The following CAST variants were observed in gnomAD, a reference collection of about 807,000 sequenced individuals.
The protein encoded by CAST is calpastatin, also known as MIR583 host.
Under a neutral mutation model 119.6 loss-of-function variants are expected in CAST, and 76 were observed. That is an observed-to-expected ratio of 0.64 (90% confidence interval 0.53 to 0.77). The LOEUF is 0.77. Ranked by LOEUF, CAST falls within the 30% of genes least tolerant of loss-of-function variation. CAST has a pLI of 0.00. For missense variants in CAST, 953 were observed against 946.5 expected (o/e 1.01, Z -0.09); for synonymous variants, 319 against 331.6 (o/e 0.96, Z 0.41).
the CAST span, among the ~76,000 whole-genome samples, chr5:96,238,837 ATAAT>A: frequency 6.6e-6 from 1 of 152,214 alleles, no homozygotes; most frequent in Non-Finnish European, 1.5e-5. Flanking sequence ...TGAGAGCTAA[ATAAT>A]TAATAAAGTA....
chr5:96,599,966 C>CAAAAAAA lies in CAST; in HGVS notation c.60+70097_60+70103dup, dbSNP rs74978713. Among the ~76,000 whole-genome samples the CAAAAAAA allele has an allele frequency of 6.8e-4, 32 of 47,206 alleles. 2 individuals carry two copies. Among genetic ancestry groups the CAAAAAAA allele is most frequent in the African/African-American group, 2.0e-3 (32 of 16,354 alleles). 31.0% of individuals were successfully genotyped at this position (47,206 alleles called of 152,430 possible). On this transcript the variant is annotated intron_variant, in intron 1 of 11. Transcript: ENST00000505143. ...TATCCTGTATTATTGCTTCATTAGG[C>CAAAAAAA]AAAAAAAAAAAAAAAAACCCTCAAG... is the stretch of plus-strand genomic sequence containing the variant.
chr5:96,227,850 G>A, the CAST span, among the ~76,000 whole-genome samples: 1 of 152,104 alleles, frequency 6.6e-6, no homozygotes, highest in Non-Finnish European at 1.5e-5. Flanking sequence ...TTGTGTATCA[G>A]ACAAGGGGTG....
intron 1 of CAST, among the ~76,000 whole-genome samples, chr5:96,641,858 T>C (rs1747955194): frequency 6.6e-6 from 1 of 152,208 alleles, no homozygotes; most frequent in South Asian, 2.1e-4. Flanking sequence ...TTGTATAATA[T>C]TGTAACAGGC....
chr5:96,750,644 T>TGTA lies in CAST; in HGVS notation c.1490_1492dup (p.Ser497dup). 1.2e-6 allele frequency: 2 copies of TGTA among 1,613,562 alleles called. No homozygotes were observed. Among genetic ancestry groups the TGTA allele is most frequent in the Non-Finnish European group, 1.7e-6 (2 of 1,179,590 alleles). On this transcript the variant is annotated inframe_insertion, in exon 20 of 32. Transcript: ENST00000675179. ...GGAGGCTGTGTGTCGGACCTCCATG[T>TGTA]GTAGTATACAGTCAGCACCCCCTGA...
chr5:96,011,826 C>T, the CAST span, among the ~76,000 whole-genome samples: 3 of 152,180 alleles, frequency 2.0e-5, no homozygotes, highest in Non-Finnish European at 4.4e-5. Context: ...AATAATAATG[C>T]TTGTTATGGG....
At chr5:96,220,811 G>A in the CAST span, among the ~76,000 whole-genome samples, 2 of 152,060 alleles carry the variant, frequency 1.3e-5, no homozygotes, top group African/African-American at 4.8e-5. Context: ...AGTCTTTCTT[G>A]AGTTTAGTAA....
the CAST span, among the ~76,000 whole-genome samples, chr5:96,276,783 C>T: frequency 6.6e-6 from 1 of 152,154 alleles, no homozygotes; most frequent in East Asian, 1.9e-4. Flanking sequence ...CTTTTCCCAT[C>T]TGTTTCCCAT....
the CAST span, chr5:96,423,452 G>T: frequency 1.2e-5 from 19 of 1,613,992 alleles, no homozygotes; most frequent in Non-Finnish European, 1.6e-5. Flanking sequence ...CGTCATCCTG[G>T]TATCTTGCTG....
At chr5:96,201,362 A>G in the CAST span, among the ~76,000 whole-genome samples, 1 of 152,150 alleles carries the variant, frequency 6.6e-6, no homozygotes, top group Admixed American at 6.6e-5. Context: ...ACTCTCCAAA[A>G]TAGTTATCCT....
intron 1 of CAST, among the ~76,000 whole-genome samples, chr5:96,624,469 A>T (rs1270078801): frequency 6.6e-6 from 1 of 152,250 alleles, no homozygotes; most frequent in Non-Finnish European, 1.5e-5. Flanking sequence ...GAATTATAAC[A>T]ATGGTTACCA....
At chr5:96,297,235 TG>T in the CAST span, among the ~76,000 whole-genome samples, 4 of 152,140 alleles carry the variant, frequency 2.6e-5, no homozygotes, top group African/African-American at 9.7e-5. Context: ...TATGACTGAG[TG>T]GTTGTCCTTT....
chr5:95,993,347 G>A, the CAST span, among the ~76,000 whole-genome samples: 1 of 152,190 alleles, frequency 6.6e-6, no homozygotes, highest in East Asian at 1.9e-4. Flanking sequence ...AAGAATTATA[G>A]GAGGAAATAT....
intron 1 of CAST, among the ~76,000 whole-genome samples, chr5:96,533,486 T>A (rs1259404656): frequency 6.6e-6 from 1 of 152,204 alleles, no homozygotes; most frequent in Non-Finnish European, 1.5e-5. Context: ...AGCTATTTTA[T>A]AATAATATTA....
chr5:96,707,305 AT>A (rs377653566), intron 3 of CAST, among the ~76,000 whole-genome samples: 49 of 152,148 alleles, frequency 3.2e-4, no homozygotes, highest in African/African-American at 1.2e-3. Context: ...AAAAACTAAC[AT>A]TTAACTTTAT....
Position 96,617,790 on chromosome 5 carries a change from T to TAA in CAST, c.61-57711_61-57710dup, listed in dbSNP as rs1162873931. Among the ~76,000 whole-genome samples, 34 of 21,992 alleles carry TAA rather than the reference T, an allele frequency of 1.5e-3. 9 individuals carry two copies. The highest frequency in any genetic ancestry group is 2.4e-3 in the Non-Finnish European group (22 of 9,034). The allele number at this position is 21,992 out of a possible 152,430, so 14.4% of individuals were successfully genotyped here. A position where few individuals can be genotyped will look rare whatever the true frequency, so the allele number is the denominator to read the frequency against. On this transcript the variant is annotated intron_variant, in intron 1 of 11. Coordinates refer to the CAST transcript ENST00000505143. ...CTGGGCAACAGAGCAAAATTCCATC[T>TAA]AAAAAAAAAAAAAAAAAAAAAAAAA...
chr5:96,400,201 A>G, the CAST span: 9 of 1,570,048 alleles, frequency 5.7e-6, no homozygotes, highest in Admixed American at 1.5e-4. Flanking sequence ...AGGGGAAGTG[A>G]CCCAAAGTGT....
At chr5:96,494,124 G>A in the CAST span, among the ~76,000 whole-genome samples, 2 of 152,206 alleles carry the variant, frequency 1.3e-5, no homozygotes, top group Admixed American at 1.3e-4. Context: ...GTTGGGGATA[G>A]CCCAACAAAA....
chr5:96,203,230 C>T, the CAST span, among the ~76,000 whole-genome samples: 2 of 151,850 alleles, frequency 1.3e-5, no homozygotes, highest in African/African-American at 4.8e-5. Flanking sequence ...TTAGTGACTG[C>T]ATTGTTTCAC....
At chr5:96,740,159 C>T in intron 12 of CAST, 41 bp downstream of exon 12, 1 of 877,574 alleles carries the variant, frequency 1.1e-6, no homozygotes, top group Admixed American at 2.4e-5. Flanking sequence ...ACTGTTTCCT[C>T]TTTAGAAAAT....
Sources: allele counts gnomAD v4.1 joint callset (sites outside exome capture counted in the v4.1 genomes callset), GRCh38; gene constraint gnomAD v4.1.1; transcripts MANE v1.5; gene names NCBI Gene and HGNC (gene_info 2026-07-23, HGNC 2026-07-21).